Variants in DACH2 observed in about 807,000 individuals in gnomAD.
DACH2 encodes dachshund homolog 2.
A neutral mutation model predicts 35.8 loss-of-function variants in DACH2; 17 were observed. That is an observed-to-expected ratio of 0.48 (90% CI 0.33 to 0.71). The LOEUF is 0.71. DACH2 is among the 30% of genes least tolerant of loss of function. The probability of loss-of-function intolerance (pLI) is 0.02; values close to 1 mark genes in which losing one functional copy is unlikely to be tolerated. For synonymous variants in DACH2, 195 were observed against 177.3 expected, an observed-to-expected ratio of 1.10 and a Z score of -0.79; for missense variants, 469 against 472.7, an observed-to-expected ratio of 0.99 and a Z score of 0.07.
chrX:86,613,912 C>T (rs910407307), intron 3 of DACH2, among the ~76,000 whole-genome samples: 2 of 111,523 alleles, frequency 1.8e-5, no homozygotes, highest in African/African-American at 3.2e-5. Flanking sequence ...CTCTCATGTA[C>T]TTCATAAAGG....
At chrX:86,825,139 G>A (rs1174395037) in intron 11 of DACH2, among the ~76,000 whole-genome samples, 1 of 111,922 alleles carries the variant, frequency 8.9e-6, no homozygotes, top group Non-Finnish European at 1.9e-5. Flanking sequence ...TTGTGACCAG[G>A]TGCGGTGGCT....
chrX:86,155,973 A>G (rs950669079), intron 1 of DACH2, among the ~76,000 whole-genome samples: 4 of 111,159 alleles, frequency 3.6e-5, no homozygotes, highest in African/African-American at 1.3e-4. Flanking sequence ...TATGGAAAAT[A>G]GTTAACTTTT....
At chrX:86,738,102 G>A (rs752636212) in intron 6 of DACH2, among the ~76,000 whole-genome samples, 2 of 111,436 alleles carry the variant, frequency 1.8e-5, no homozygotes, top group Non-Finnish European at 3.8e-5. Flanking sequence ...CTGGTGATCA[G>A]ATTGGGTCCA....
At chrX:86,176,652 T>C (rs2031313857) in intron 1 of DACH2, among the ~76,000 whole-genome samples, 1 of 112,060 alleles carries the variant, frequency 8.9e-6, no homozygotes, top group South Asian at 3.7e-4. Context: ...TGACTGAAGG[T>C]ATTGTTTTCA....
At position 86,832,246 on chromosome X, in the gene DACH2, T is replaced by TATC. The variant is rs1447432166; in HGVS notation, c.*93_*95dup. 3.9e-5 allele frequency: 29 copies of TATC among 746,507 alleles called. No homozygotes were observed. In the Middle Eastern group the frequency reaches 1.5e-3, roughly 39 times the overall value. The allele number at this position is 746,507 out of a possible 1,213,427, so 61.5% of individuals were successfully genotyped here. A position where few individuals can be genotyped will look rare whatever the true frequency, so the allele number is the denominator to read the frequency against. On this transcript the variant is annotated 3_prime_UTR_variant, in exon 12 of 12. Coordinates refer to ENST00000373125, the MANE Select transcript of DACH2 (RefSeq NM_053281.3). ...AACATGGAGTTATTTCAGTTTTGTT[T>TATC]ATCAGCAAAGCTTTGTTTACTGAAG... is the stretch of plus-strand genomic sequence containing the variant.
intron 1 of DACH2, among the ~76,000 whole-genome samples, chrX:86,274,877 G>A (rs1351058550): frequency 2.7e-5 from 3 of 111,285 alleles, no homozygotes; most frequent in African/African-American, 9.8e-5. Flanking sequence ...GAGTGTTGGA[G>A]GAAGAATTAC....
intron 1 of DACH2, among the ~76,000 whole-genome samples, chrX:86,363,452 T>A (rs1180233530): frequency 9.0e-6 from 1 of 111,562 alleles, no homozygotes; most frequent in African/African-American, 3.2e-5. Context: ...AATTTGATCA[T>A]GTGTGTGATC....
chrX:86,405,488 G>T (rs1208154707), intron 2 of DACH2, among the ~76,000 whole-genome samples: 1 of 111,413 alleles, frequency 9.0e-6, no homozygotes, highest in East Asian at 2.8e-4. Context: ...GACCAACTCA[G>T]CCTGAACCTT....
chrX:86,660,559 G>C (rs1447650059), intron 4 of DACH2, among the ~76,000 whole-genome samples: 1 of 111,812 alleles, frequency 8.9e-6, no homozygotes, highest in Admixed American at 9.5e-5. Context: ...ATCTATGTTA[G>C]TTGAGAGATT....
At chrX:86,544,845 C>G (rs778405410) in intron 3 of DACH2, among the ~76,000 whole-genome samples, 1 of 112,177 alleles carries the variant, frequency 8.9e-6, no homozygotes, top group Non-Finnish European at 1.9e-5. Flanking sequence ...GTCATACAAG[C>G]GACAATTAGA....
At chrX:86,451,324 C>T (rs1254794674) in intron 2 of DACH2, among the ~76,000 whole-genome samples, 1 of 111,569 alleles carries the variant, frequency 9.0e-6, no homozygotes. Context: ...AATTCTTTCC[C>T]CATTGCTTAT....
intron 1 of DACH2, among the ~76,000 whole-genome samples, chrX:86,316,552 A>C (rs150979446): frequency 9.0e-6 from 1 of 111,423 alleles, no homozygotes; most frequent in Non-Finnish European, 1.9e-5. Flanking sequence ...TGTCTACCCA[A>C]ATAATTTCTT....
At chrX:86,672,830 G>A (rs1246870711) in intron 4 of DACH2, among the ~76,000 whole-genome samples, 2 of 111,639 alleles carry the variant, frequency 1.8e-5, no homozygotes, top group Non-Finnish European at 3.8e-5. Flanking sequence ...GTGGAGCTGT[G>A]AGAAGAGGGC....
Position 86,615,908 on chromosome X carries a change from T to C in DACH2, c.641-35128T>C, listed in dbSNP as rs763284455. On this transcript the variant is annotated intron_variant, in intron 3 of 11. Coordinates refer to ENST00000373125, the MANE Select transcript of DACH2 (RefSeq NM_053281.3). ...TAGTATCCAATAATTATTTTTTTTC[T>C]GATCCTCTCCCTCCTCCCACACTCT... Among the ~76,000 whole-genome samples the C allele has an allele frequency of 3.6e-5, 4 of 111,037 alleles. No individual in the cohort carries two copies. In the East Asian group the frequency reaches 1.1e-3, roughly 32 times the overall value.
intron 4 of DACH2, among the ~76,000 whole-genome samples, chrX:86,667,253 A>C: frequency 1.1e-5 from 1 of 94,495 alleles, no homozygotes; most frequent in East Asian, 3.4e-4. Flanking sequence ...GTCAAAAAAA[A>C]AAAGAAAGAG....
At chrX:86,695,644 G>T in intron 5 of DACH2, among the ~76,000 whole-genome samples, 1 of 109,650 alleles carries the variant, frequency 9.1e-6, no homozygotes. Flanking sequence ...CAAGTAGCTG[G>T]GATTACAGGC....
At chrX:86,729,389 A>G (rs1250513977) in intron 6 of DACH2, among the ~76,000 whole-genome samples, 1 of 111,837 alleles carries the variant, frequency 8.9e-6, no homozygotes, top group African/African-American at 3.2e-5. Flanking sequence ...ATTTTAAGTA[A>G]CCAATTAGTT....
chrX:86,593,843 G>A (rs556677524), intron 3 of DACH2, among the ~76,000 whole-genome samples: 3 of 110,674 alleles, frequency 2.7e-5, no homozygotes, highest in African/African-American at 9.8e-5. Flanking sequence ...TTTTTTATTA[G>A]GGTATCACTG....
intron 1 of DACH2, among the ~76,000 whole-genome samples, chrX:86,306,010 AGTTTAGTCATATGGG>A (rs2034679930): frequency 1.8e-5 from 2 of 112,302 alleles, no homozygotes; most frequent in African/African-American, 6.5e-5. Flanking sequence ...AATGTAAATT[AGTTTAGTCATATGGG>A]AAATACTATG....
Sources: allele counts gnomAD v4.1 joint callset (sites outside exome capture counted in the v4.1 genomes callset), GRCh38; gene constraint gnomAD v4.1.1; transcripts MANE v1.5; gene names NCBI Gene and HGNC (gene_info 2026-07-23, HGNC 2026-07-21).